CIBAR1: variants seen among roughly 807,000 people sequenced by gnomAD.
The protein encoded by CIBAR1 is CBY1 interacting BAR domain containing 1.
Under a neutral mutation model 44.0 loss-of-function variants are expected in CIBAR1, and 25 were observed. The observed-to-expected ratio is 0.57, with a 90% CI of 0.41 to 0.79. The LOEUF (loss-of-function observed/expected upper bound fraction) is 0.79, where lower values mean the gene tolerates loss of function less well. Among genes scored for constraint, CIBAR1 ranks in the 30% least tolerant of loss-of-function variants. The pLI is 0.00. For missense variants in CIBAR1, 278 were observed against 344.8 expected, an observed-to-expected ratio of 0.81 and a Z score of 1.53; for synonymous variants, 115 against 119.0, an observed-to-expected ratio of 0.97 and a Z score of 0.22.
At position 93,729,598 on chromosome 8, in the gene CIBAR1, A is replaced by G. The variant is rs1354643272; in HGVS notation, c.*1301A>G. ...GCCTACCTCAAAGAAATATTCTAAG[A>G]ACAAAAGGAATACTATCCATGAAAA... On this transcript the variant is annotated 3_prime_UTR_variant, in exon 9 of 9. Coordinates refer to ENST00000518322, the MANE Select transcript of CIBAR1 (RefSeq NM_145269.5). 1 of 152,200 alleles carries G rather than the reference A, an allele frequency of 6.6e-6. No homozygotes were observed. The highest frequency in any genetic ancestry group is 2.4e-5 in the African/African-American group (1 of 41,468). 9.4% of individuals were successfully genotyped at this position (152,200 alleles called of 1,614,324 possible).
At position 93,707,184 on chromosome 8, in the gene CIBAR1, C is replaced by T. The variant is rs560053949; in HGVS notation, c.433-827C>T. On this transcript the variant is annotated intron_variant, in intron 4 of 8. Coordinates refer to ENST00000518322, the MANE Select transcript of CIBAR1 (RefSeq NM_145269.5). ...ATTTTAATCCAAAGCATTTCCTACT[C>T]AAGTTGGTATATTATAGAATTTTGA... The T allele has an allele frequency of 1.0e-4, 40 of 400,326 alleles. No homozygotes were observed. In the Admixed American group the frequency reaches 1.1e-3, roughly 11 times the overall value. 24.8% of individuals were successfully genotyped at this position (400,326 alleles called of 1,614,324 possible).
chr8:93,726,645 A>G, intron 8 of CIBAR1, 132 bp downstream of exon 8: 3 of 1,020,836 alleles, frequency 2.9e-6, no homozygotes, highest in East Asian at 2.7e-5. Context: ...TCTCTTCTAT[A>G]AAATGACAGA....
At chr8:93,705,231 C>T (rs904656033) in intron 4 of CIBAR1, 41 of 422,188 alleles carry the variant, frequency 9.7e-5, no homozygotes, top group Middle Eastern at 1.2e-3. Flanking sequence ...ACTTTGCAAA[C>T]GAACAAACAA....
Position 93,700,562 on chromosome 8 carries a change from G to T in CIBAR1, c.-86G>T, listed in dbSNP as rs1810292447. On this transcript the variant is annotated 5_prime_UTR_variant, in exon 1 of 9. Transcript: ENST00000518322. ...GGGGCGGGCTTTCAGGCTCCCGGCG[G>T]CTGCTTGCGCCCCAGCGCGCGCCCA... 2 of 1,375,606 alleles carry T rather than the reference G, an allele frequency of 1.5e-6. No homozygotes were observed. Among genetic ancestry groups the T allele is most frequent in the Non-Finnish European group, 1.9e-6 (2 of 1,063,442 alleles). The allele number at this position is 1,375,606 out of a possible 1,614,324, so 85.2% of individuals were successfully genotyped here.
intron 4 of CIBAR1, among the ~76,000 whole-genome samples, chr8:93,707,460 TGAG>T (rs1486137695): frequency 6.6e-6 from 1 of 152,168 alleles, no homozygotes; most frequent in African/African-American, 2.4e-5. Context: ...TATCAATAAA[TGAG>T]GAGGGTAAAG....
At chr8:93,712,678 A>G (rs969186446) in intron 6 of CIBAR1, among the ~76,000 whole-genome samples, 1 of 152,190 alleles carries the variant, frequency 6.6e-6, no homozygotes, top group African/African-American at 2.4e-5. Flanking sequence ...GAGAGTTACA[A>G]CTTCTCTGCA....
intron 6 of CIBAR1, among the ~76,000 whole-genome samples, chr8:93,715,199 G>T (rs1430581181): frequency 1.3e-5 from 2 of 152,112 alleles, no homozygotes; most frequent in Non-Finnish European, 2.9e-5. Context: ...TACAAAATGA[G>T]AGAAAAATCA....
chr8:93,713,758 G>A (rs866811688), intron 6 of CIBAR1, among the ~76,000 whole-genome samples: 2 of 152,154 alleles, frequency 1.3e-5, no homozygotes, highest in Admixed American at 6.5e-5. Flanking sequence ...CAATTGAATG[G>A]TCTTGGCATC....
At chr8:93,721,130 T>TCTTG (rs1229211175) in intron 7 of CIBAR1, 1 of 152,198 alleles carries the variant, frequency 6.6e-6, no homozygotes, top group East Asian at 1.9e-4. Flanking sequence ...GAAGTCTGAC[T>TCTTG]ACAAGGCCCA....
chr8:93,726,447 A>T lies in CIBAR1; in HGVS notation c.711A>T (p.Val237=). 3 of 1,613,688 alleles carry T rather than the reference A, an allele frequency of 1.9e-6. No homozygotes were observed. The highest frequency in any genetic ancestry group is 2.5e-6 in the Non-Finnish European group (3 of 1,179,672). ...ATTATTCATCTCGTTTAGATATTGT[A>T]AGAGCAAATTCAAAGTCACCTCTTC... is the stretch of plus-strand genomic sequence containing the variant. ...APDYSSRLDI[V]RANSKSPLQR... The change falls in exon 8 of 9, where the codon GTA becomes GTT. Residue 237 remains valine (V), a synonymous_variant. Coordinates refer to ENST00000518322, the MANE Select transcript of CIBAR1 (RefSeq NM_145269.5).
rs941968981 is a variant in CIBAR1 at position 93,731,431 on chromosome 8, CCAAA to C, written c.*3138_*3141del. ...CTTCATTGTGCTTGGTTTGGATATTCCAAACAATCAATTTAACATTATCCTAGCT... is the reference window on the plus strand; with the variant it reads ...CTTCATTGTGCTTGGTTTGGATATTCCAATCAATTTAACATTATCCTAGCT... On this transcript the variant is annotated 3_prime_UTR_variant, in exon 9 of 9. Coordinates refer to ENST00000518322, the MANE Select transcript of CIBAR1 (RefSeq NM_145269.5). The C allele has an allele frequency of 2.0e-5, 3 of 152,134 alleles. No homozygotes were observed. The highest frequency in any genetic ancestry group is 4.8e-5 in the African/African-American group (2 of 41,428). The allele number at this position is 152,134 out of a possible 1,614,324, so 9.4% of individuals were successfully genotyped here.
chr8:93,718,481 GTAT>G, intron 6 of CIBAR1, among the ~76,000 whole-genome samples, 191 bp from the exon 7 acceptor site: 1 of 152,266 alleles, frequency 6.6e-6, no homozygotes, highest in South Asian at 2.1e-4. Flanking sequence ...GAAATACTTT[GTAT>G]TATTTGAAGG....
chr8:93,710,670 C>A (rs1011406619), intron 6 of CIBAR1, among the ~76,000 whole-genome samples: 1 of 151,744 alleles, frequency 6.6e-6, no homozygotes, highest in Non-Finnish European at 1.5e-5. Flanking sequence ...TCCATCTCTA[C>A]TAAAAATACA....
chr8:93,722,165 G>A (rs1002008341), intron 7 of CIBAR1, among the ~76,000 whole-genome samples: 6 of 152,192 alleles, frequency 3.9e-5, no homozygotes, highest in Admixed American at 6.5e-5. Context: ...ACCAGGGGAA[G>A]TAACTAATTG....
At position 93,721,822 on chromosome 8, in the gene CIBAR1, A is replaced by AG. The variant is rs547896887; in HGVS notation, c.657+3035dup. On this transcript the variant is annotated intron_variant, in intron 7 of 8. Coordinates refer to ENST00000518322, the MANE Select transcript of CIBAR1 (RefSeq NM_145269.5). ...TTTTTTTATATGACCAGTCCTATAA[A>AG]GAAAAAAAAAAAGTGTTGTGTGTGA... Among the ~76,000 whole-genome samples the AG allele has an allele frequency of 9.6e-3, 850 of 88,246 alleles. 16 individuals carry two copies. The highest frequency in any genetic ancestry group is 0.041 in the African/African-American group (822 of 20,050). The allele number at this position is 88,246 out of a possible 152,430, so 57.9% of individuals were successfully genotyped here.
In CIBAR1 at chr8:93,718,784, T is replaced by TA; in HGVS notation, c.654dup (p.Glu219ArgfsTer34). The TA allele has an allele frequency of 1.3e-6, 2 of 1,531,784 alleles. No individual in the cohort carries two copies. The highest frequency in any genetic ancestry group is 1.8e-6 in the Non-Finnish European group (2 of 1,127,500). The allele number at this position is 1,531,784 out of a possible 1,614,324, so 94.9% of individuals were successfully genotyped here. A position where few individuals can be genotyped will look rare whatever the true frequency, so the allele number is the denominator to read the frequency against. Reference sequence around the variant, plus strand: ...CAAAACATTGATGAAGATGAAGATTTAGAGGTAGGACTATGTCTATCTAAG... The same window carrying TA: ...CAAAACATTGATGAAGATGAAGATTTAAGAGGTAGGACTATGTCTATCTAAG... On this transcript the variant is annotated frameshift_variant, in exon 7 of 9. Coordinates refer to ENST00000518322, the MANE Select transcript of CIBAR1 (RefSeq NM_145269.5). LOFTEE classifies it high-confidence loss of function.
chr8:93,729,458 AAC>A lies in CIBAR1; in HGVS notation c.*1163_*1164del, dbSNP rs1811701291. On this transcript the variant is annotated 3_prime_UTR_variant, in exon 9 of 9. Transcript: ENST00000518322. ...ATTTGGTTGTACTTCGGGGGAAAACAACAGAGTTATTATTTTGCTGCTTACTA... is the reference window on the plus strand; with the variant it reads ...ATTTGGTTGTACTTCGGGGGAAAACAAGAGTTATTATTTTGCTGCTTACTA... 6.6e-6 allele frequency: 1 copy of A among 152,224 alleles called. No homozygotes were observed. The highest frequency in any genetic ancestry group is 2.1e-4 in the South Asian group (1 of 4,834). The allele number at this position is 152,224 out of a possible 1,614,324, so 9.4% of individuals were successfully genotyped here. A position where few individuals can be genotyped will look rare whatever the true frequency, so the allele number is the denominator to read the frequency against.
At chr8:93,715,069 T>C (rs1418221520) in intron 6 of CIBAR1, among the ~76,000 whole-genome samples, 1 of 152,244 alleles carries the variant, frequency 6.6e-6, no homozygotes, top group South Asian at 2.1e-4. Flanking sequence ...GTGAGTTTAA[T>C]TGATAAGTCC....
At chr8:93,702,534 T>TGACAAAAAGGTAGGC (rs1810406038) in intron 2 of CIBAR1, 1 of 455,298 alleles carries the variant, frequency 2.2e-6, no homozygotes, top group South Asian at 1.6e-5. Context: ...TAATGAACAA[T>TGACAAAAAGGTAGGC]GACAAAAAGG....
Sources: gnomAD v4.1 joint callset for allele counts (sites outside exome capture counted in the v4.1 genomes callset) on GRCh38, gnomAD v4.1.1 for gene constraint, MANE v1.5 for transcripts, NCBI Gene and HGNC (gene_info 2026-07-23, HGNC 2026-07-21) for gene names.